DOCK8: variants seen among roughly 807,000 people sequenced by gnomAD.
The protein encoded by DOCK8 is dedicator of cytokinesis protein 8.
In DOCK8, 141 loss-of-function variants were observed where a neutral mutation model predicts 245.6. The ratio of observed to expected loss-of-function variants is 0.57; its 90% CI spans 0.50 to 0.66. The LOEUF (loss-of-function observed/expected upper bound fraction) is 0.66. Among genes scored for constraint, DOCK8 ranks in the 30% least tolerant of loss-of-function variants. The pLI, the probability that DOCK8 is intolerant of heterozygous loss-of-function variation, is 0.00. For missense variants in DOCK8, 2,965 were observed against 2,603.4 expected (o/e 1.14, Z -3.02); for synonymous variants, 1,168 against 970.2 (o/e 1.20, Z -3.79).
At chr9:363,246 A>G (rs10972439) in intron 14 of DOCK8, among the ~76,000 whole-genome samples, 28,081 of 152,242 alleles carry the variant, frequency 0.18, 2,781 homozygotes, top group Middle Eastern at 0.27. Flanking sequence ...TGCCTGGCAC[A>G]TACACTGGAC....
At chr9:307,345 T>G (rs1462672494) in intron 5 of DOCK8, among the ~76,000 whole-genome samples, 28 of 6,112 alleles carry the variant, frequency 4.6e-3, no homozygotes, top group Non-Finnish European at 7.7e-3. Flanking sequence ...TTTGTTTTTT[T>G]TTTTTTTTTT....
intron 4 of DOCK8, among the ~76,000 whole-genome samples, chr9:296,299 G>T (rs2049257470): frequency 6.6e-6 from 1 of 152,148 alleles, no homozygotes; most frequent in Non-Finnish European, 1.5e-5. Flanking sequence ...TATTTCTTCT[G>T]TCATTTTCTC....
At chr9:390,321 C>T in intron 23 of DOCK8, 150 bp from the exon 24 acceptor site, 1 of 735,788 alleles carries the variant, frequency 1.4e-6, no homozygotes, top group Non-Finnish European at 2.4e-6. Context: ...CTGACTTTGC[C>T]ATCCACCACT....
chr9:214,237 G>T (rs2046679258), upstream of DOCK8: 1 of 447,220 alleles, frequency 2.2e-6, no homozygotes, highest in Non-Finnish European at 4.0e-6. Flanking sequence ...AATAAACCTG[G>T]ACGCAGCGTA....
At chr9:412,264 C>T (rs1377750384) in intron 28 of DOCK8, among the ~76,000 whole-genome samples, 3 of 151,862 alleles carry the variant, frequency 2.0e-5, no homozygotes, top group African/African-American at 4.8e-5. Context: ...ATTAGCTGGG[C>T]ATTGGTGGCT....
At chr9:274,373 CT>C (rs1296186367) in intron 2 of DOCK8, among the ~76,000 whole-genome samples, 2 of 152,146 alleles carry the variant, frequency 1.3e-5, no homozygotes, top group African/African-American at 4.8e-5. Flanking sequence ...TTCTGAATCT[CT>C]TTTCCCATCT....
chr9:306,848 A>T (rs2049855442), intron 5 of DOCK8, among the ~76,000 whole-genome samples: 1 of 152,186 alleles, frequency 6.6e-6, no homozygotes, highest in Non-Finnish European at 1.5e-5. Context: ...AGCTCAGAAG[A>T]GGAGCCTGAG....
chr9:350,703 A>G (rs945451627), intron 14 of DOCK8, among the ~76,000 whole-genome samples: 3 of 152,244 alleles, frequency 2.0e-5, no homozygotes, highest in Admixed American at 6.5e-5. Context: ...GATAAGCAGA[A>G]TAATAACACC....
intron 46 of DOCK8, among the ~76,000 whole-genome samples, chr9:460,788 T>TAAG (rs2057781307): frequency 6.6e-6 from 1 of 152,260 alleles, no homozygotes; most frequent in African/African-American, 2.4e-5. Flanking sequence ...GCTATCCTCT[T>TAAG]CCTCTTTGAC....
intron 12 of DOCK8, among the ~76,000 whole-genome samples, chr9:338,143 G>C (rs1345605877): frequency 6.7e-6 from 1 of 149,984 alleles, no homozygotes; most frequent in Non-Finnish European, 1.5e-5. Context: ...GACAGAGTGA[G>C]GCTCCATCTC....
At chr9:305,337 C>T (rs1005553531) in intron 5 of DOCK8, among the ~76,000 whole-genome samples, 6 of 151,366 alleles carry the variant, frequency 4.0e-5, no homozygotes, top group African/African-American at 1.2e-4. Flanking sequence ...GGCTGGACTG[C>T]AGTGGCACGA....
At chr9:420,058 C>A (rs1458166033) in intron 30 of DOCK8, 3 of 364,292 alleles carry the variant, frequency 8.2e-6, no homozygotes, top group Non-Finnish European at 1.6e-5. Context: ...ATGAAAGCCT[C>A]TTTGTATCAC....
intron 27 of DOCK8, among the ~76,000 whole-genome samples, chr9:406,318 A>G (rs1177704174): frequency 1.3e-5 from 2 of 152,032 alleles, no homozygotes; most frequent in Non-Finnish European, 2.9e-5. Context: ...ATGAAAACTC[A>G]TATCTACTAA....
intron 14 of DOCK8, among the ~76,000 whole-genome samples, chr9:341,322 G>C (rs896582035): frequency 6.6e-6 from 1 of 152,152 alleles, no homozygotes; most frequent in African/African-American, 2.4e-5. Context: ...TATTCCATGG[G>C]GTCTGGAAGG....
intron 14 of DOCK8, among the ~76,000 whole-genome samples, chr9:356,872 A>G (rs1023543208): frequency 1.3e-5 from 2 of 152,170 alleles, no homozygotes; most frequent in African/African-American, 4.8e-5. Context: ...TCAACAAAGT[A>G]TGGTTTAGAA....
At chr9:286,674 G>A (rs2048837203) in intron 3 of DOCK8, 38 bp downstream of exon 3, 1 of 1,603,704 alleles carries the variant, frequency 6.2e-7, no homozygotes, top group South Asian at 1.1e-5. Flanking sequence ...GATTGGGATT[G>A]TCATGATTGT....
intron 3 of DOCK8, among the ~76,000 whole-genome samples, chr9:287,164 C>T (rs1353038451): frequency 2.0e-5 from 3 of 152,082 alleles, no homozygotes. Flanking sequence ...AGTCAAAGTC[C>T]CTCCTTTAAA....
chr9:308,443 A>C (rs1255313318), intron 5 of DOCK8, among the ~76,000 whole-genome samples: 1 of 152,242 alleles, frequency 6.6e-6, no homozygotes, highest in Non-Finnish European at 1.5e-5. Context: ...AGATGACAGC[A>C]ATGTTTTCAA....
intron 24 of DOCK8, among the ~76,000 whole-genome samples, chr9:395,464 T>A (rs909383955): frequency 6.6e-5 from 10 of 152,006 alleles, no homozygotes; most frequent in South Asian, 2.1e-4. Flanking sequence ...CTCCTGGGAG[T>A]GGAAGTCCCC....
Sources: gnomAD v4.1 joint callset for allele counts (sites outside exome capture counted in the v4.1 genomes callset) on GRCh38, gnomAD v4.1.1 for gene constraint, MANE v1.5 for transcripts, NCBI Gene and HGNC (gene_info 2026-07-23, HGNC 2026-07-21) for gene names.